Variants in MAP4K4 observed in about 807,000 individuals in gnomAD.
The protein encoded by MAP4K4 is HPK/GCK-like kinase HGK.
In MAP4K4, 38 loss-of-function variants were observed where a neutral mutation model predicts 189.6. The observed-to-expected ratio is 0.20, with a 90% confidence interval of 0.15 to 0.26. The LOEUF (loss-of-function observed/expected upper bound fraction) is 0.26, where lower values mean the gene tolerates loss of function less well. MAP4K4 is among the 10% of genes least tolerant of loss of function. The probability of loss-of-function intolerance (pLI) is 1.00; values close to 1 mark genes in which losing one functional copy is unlikely to be tolerated. For missense variants in MAP4K4, 1,054 were observed against 1,726.9 expected (o/e 0.61, Z 6.91); for synonymous variants, 610 against 624.3 (o/e 0.98, Z 0.34).
At chr2:101,883,485 A>T (rs748583067) in intron 28 of MAP4K4, among the ~76,000 whole-genome samples, 2 of 152,196 alleles carry the variant, frequency 1.3e-5, no homozygotes, top group Non-Finnish European at 1.5e-5. Context: ...GCACCTTGCC[A>T]CCACGCCCAG....
chr2:101,720,498 C>T (rs908512135), intron 2 of MAP4K4, among the ~76,000 whole-genome samples: 2 of 152,056 alleles, frequency 1.3e-5, no homozygotes, highest in Non-Finnish European at 2.9e-5. Context: ...CTCGTTTTTC[C>T]TGGAGAAACC....
intron 2 of MAP4K4, among the ~76,000 whole-genome samples, chr2:101,749,459 G>C (rs1390578840): frequency 6.6e-6 from 1 of 150,690 alleles, no homozygotes; most frequent in African/African-American, 2.4e-5. Flanking sequence ...CTAGCCATAT[G>C]TAGAAAGCTG....
intron 2 of MAP4K4, among the ~76,000 whole-genome samples, chr2:101,710,592 G>A (rs528167814): frequency 6.6e-6 from 1 of 152,312 alleles, no homozygotes; most frequent in East Asian, 1.9e-4. Context: ...GTAGCGTATA[G>A]CCTAATGTGT....
chr2:101,816,913 G>C (rs2095759250), intron 3 of MAP4K4, among the ~76,000 whole-genome samples: 1 of 152,120 alleles, frequency 6.6e-6, no homozygotes, highest in Admixed American at 6.5e-5. Context: ...AGGACCCTCA[G>C]TCCAAGGACA....
chr2:101,873,582 G>C (rs2098117145), intron 24 of MAP4K4, 65 bp from the exon 25 acceptor site: 1 of 843,518 alleles, frequency 1.2e-6, no homozygotes, highest in Non-Finnish European at 2.0e-6. Flanking sequence ...GAATTGAAAT[G>C]TGTATTTTTA....
rs1430400287 is a variant in MAP4K4 at position 101,824,063 on chromosome 2, T to G, written c.306+10T>G. On this transcript the variant is annotated intron_variant, in intron 4 of 32. Coordinates refer to ENST00000324219, the Ensembl canonical transcript of MAP4K4. ...TGATGACCAACTCTGGGTAGGTGGATGTTTCCTGAGCATTTGTGGGCATTC... is the reference window on the plus strand; with the variant it reads ...TGATGACCAACTCTGGGTAGGTGGAGGTTTCCTGAGCATTTGTGGGCATTC... 1 of 1,541,650 alleles carries G rather than the reference T, an allele frequency of 6.5e-7. No individual in the cohort carries two copies. Among genetic ancestry groups the G allele is most frequent in the African/African-American group, 1.4e-5 (1 of 70,234 alleles).
chr2:101,825,640 T>TA (rs1334204068), intron 5 of MAP4K4, among the ~76,000 whole-genome samples: 2 of 152,134 alleles, frequency 1.3e-5, no homozygotes, highest in Non-Finnish European at 2.9e-5. Context: ...TAGACTTAAA[T>TA]AAAAAAAGCA....
chr2:101,793,827 C>A (rs546520424), intron 3 of MAP4K4, among the ~76,000 whole-genome samples: 4 of 152,196 alleles, frequency 2.6e-5, no homozygotes, highest in Non-Finnish European at 5.9e-5. Context: ...GAGCTGGCTG[C>A]AGACAATGCA....
At chr2:101,800,201 C>A (rs2094225695) in intron 3 of MAP4K4, among the ~76,000 whole-genome samples, 1 of 152,012 alleles carries the variant, frequency 6.6e-6, no homozygotes, top group African/African-American at 2.4e-5. Flanking sequence ...GTGATCATGG[C>A]TTACTGCAGC....
In MAP4K4 at chr2:101,871,490, A is replaced by T. The variant is rs1430407079; in HGVS notation, c.2761-4A>T. 6.5e-7 allele frequency: 1 copy of T among 1,529,704 alleles called. No individual in the cohort carries two copies. Among genetic ancestry groups the T allele is most frequent in the South Asian group, 1.2e-5 (1 of 83,462 alleles). 94.8% of individuals were successfully genotyped at this position (1,529,704 alleles called of 1,614,324 possible). Reference sequence around the variant, plus strand: ...CGAGACAAGTGTGCCTGTTTTTTCTACAGAGTACAGTTGACCAAAAGCGTG... The same window carrying T: ...CGAGACAAGTGTGCCTGTTTTTTCTTCAGAGTACAGTTGACCAAAAGCGTG... On this transcript the variant is annotated splice_region_variant and splice_polypyrimidine_tract_variant and intron_variant, in intron 23 of 32. Coordinates refer to ENST00000324219, the Ensembl canonical transcript of MAP4K4.
chr2:101,894,199 A>T (rs2098600307), exon 33 of MAP4K4: 1 of 152,814 alleles, frequency 6.5e-6, no homozygotes, highest in Non-Finnish European at 1.5e-5. Flanking sequence ...TGACACCATT[A>T]CATAAGGAAC....
In MAP4K4 at chr2:101,856,192, A is replaced by G. The variant is rs2097448895; in HGVS notation, c.1395+54A>G. 2.0e-6 allele frequency: 3 copies of G among 1,519,884 alleles called. No homozygotes were observed. The Admixed American group carries it at 6.5e-5, about 33-fold the overall frequency. 94.1% of individuals were successfully genotyped at this position (1,519,884 alleles called of 1,614,324 possible). ...ACACTTGTGAAGTTTGTTACTTTGC[A>G]GAGCTGGGGGATTTTTAGAAAGTAT... On this transcript the variant is annotated intron_variant, in intron 13 of 32. Coordinates refer to ENST00000324219, the Ensembl canonical transcript of MAP4K4.
rs151229530 is a variant in MAP4K4 at position 101,864,069 on chromosome 2, A to G, written c.2097+18A>G. 1,121 of 1,265,164 alleles carry G rather than the reference A, an allele frequency of 8.9e-4. 2 individuals are homozygous for G. Among genetic ancestry groups the G allele is most frequent in the Non-Finnish European group, 1.1e-3 (1,065 of 949,266 alleles). 78.4% of individuals were successfully genotyped at this position (1,265,164 alleles called of 1,614,324 possible). A position where few individuals can be genotyped will look rare whatever the true frequency, so the allele number is the denominator to read the frequency against. On this transcript the variant is annotated intron_variant, in intron 17 of 32. Transcript: ENST00000324219. ...CTCCAAGGGTAAGGAGCAGAAAGAC[A>G]GATGTGTGCTGCTTTTTTCCTTTTT...
At chr2:101,811,590 C>T (rs543297447) in intron 3 of MAP4K4, among the ~76,000 whole-genome samples, 1 of 152,144 alleles carries the variant, frequency 6.6e-6, no homozygotes. Context: ...GCTCTGCCTG[C>T]CTCTGTATCT....
At chr2:101,850,987 A>G (rs2097265140) in intron 12 of MAP4K4, among the ~76,000 whole-genome samples, 1 of 152,130 alleles carries the variant, frequency 6.6e-6, no homozygotes, top group Non-Finnish European at 1.5e-5. Flanking sequence ...TAACTAGTTT[A>G]TCAAAATATG....
At chr2:101,809,351 G>GTT (rs200952315) in intron 3 of MAP4K4, among the ~76,000 whole-genome samples, 4 of 147,692 alleles carry the variant, frequency 2.7e-5, no homozygotes, top group African/African-American at 1.0e-4. Context: ...TTTATTCTTA[G>GTT]TTTTTTTTTT....
At chr2:101,790,830 C>A in intron 3 of MAP4K4, 54 bp downstream of exon 3, 2 of 1,373,632 alleles carry the variant, frequency 1.5e-6, no homozygotes, top group East Asian at 2.4e-5. Flanking sequence ...GACAAAGATT[C>A]CCCCAACAAC....
chr2:101,778,672 C>G (rs889639879), intron 2 of MAP4K4, among the ~76,000 whole-genome samples: 1 of 152,090 alleles, frequency 6.6e-6, no homozygotes, highest in Non-Finnish European at 1.5e-5. Flanking sequence ...GAAGGGCACC[C>G]AGGGAAGGGC....
At chr2:101,805,097 T>C (rs980295590) in intron 3 of MAP4K4, among the ~76,000 whole-genome samples, 2 of 136,004 alleles carry the variant, frequency 1.5e-5, no homozygotes, top group Non-Finnish European at 3.1e-5. Flanking sequence ...AAAAAAAAAG[T>C]AATAATATTT....
Sources: allele counts gnomAD v4.1 joint callset (sites outside exome capture counted in the v4.1 genomes callset), GRCh38; gene constraint gnomAD v4.1.1; transcripts MANE v1.5; gene names NCBI Gene and HGNC (gene_info 2026-07-23, HGNC 2026-07-21).